The following LRP1B variants were observed in gnomAD, a reference collection of about 807,000 sequenced individuals.
LRP1B encodes the protein LDL receptor related protein 1B.
A neutral mutation model predicts 556.6 loss-of-function variants in LRP1B; 217 were observed. The ratio of observed to expected loss-of-function variants is 0.39; its 90% CI spans 0.35 to 0.44. The LOEUF is 0.44. LRP1B is among the 20% of genes least tolerant of loss of function. LRP1B has a pLI of 1.00. For synonymous variants in LRP1B, 2,047 were observed against 1,865.8 expected, an observed-to-expected ratio of 1.10 and a Z score of -2.50; for missense variants, 5,053 against 5,620.8, an observed-to-expected ratio of 0.90 and a Z score of 3.23.
At chr2:141,632,765 CAA>C (rs998933619) in intron 2 of LRP1B, among the ~76,000 whole-genome samples, 2 of 150,066 alleles carry the variant, frequency 1.3e-5, no homozygotes, top group African/African-American at 4.9e-5. Context: ...AAAAATTGAT[CAA>C]AGTCATTCAA....
intron 2 of LRP1B, among the ~76,000 whole-genome samples, chr2:141,545,340 T>A (rs1685512955): frequency 6.6e-6 from 1 of 152,204 alleles, no homozygotes; most frequent in Non-Finnish European, 1.5e-5. Context: ...TTATTAGGCT[T>A]GTCTACTTCC....
At chr2:142,016,918 GTATATGTA>G (rs1703162413) in intron 1 of LRP1B, among the ~76,000 whole-genome samples, 18 of 144,058 alleles carry the variant, frequency 1.2e-4, no homozygotes, top group African/African-American at 2.3e-4. Context: ...ATGTATATAT[GTATATGTA>G]TGTATATATG....
At chr2:140,444,249 T>C in intron 65 of LRP1B, 81 bp downstream of exon 65, 1 of 1,416,768 alleles carries the variant, frequency 7.1e-7, no homozygotes, top group Non-Finnish European at 9.7e-7. Flanking sequence ...ATCATATGAA[T>C]TTATGAAGTA....
chr2:141,295,791 A>ACACACACG (rs70991154), intron 3 of LRP1B, among the ~76,000 whole-genome samples: 1 of 142,352 alleles, frequency 7.0e-6, no homozygotes, highest in Non-Finnish European at 1.6e-5. Context: ...ACACACACAC[A>ACACACACG]TAACAGTGGG....
chr2:141,027,679 A>G (rs1345091390), intron 11 of LRP1B, among the ~76,000 whole-genome samples: 2 of 152,184 alleles, frequency 1.3e-5, no homozygotes, highest in Non-Finnish European at 1.5e-5. Flanking sequence ...GATGTTAGAA[A>G]AAGCTGTGTG....
chr2:141,327,580 C>T (rs1232660086), intron 3 of LRP1B, among the ~76,000 whole-genome samples: 1 of 152,016 alleles, frequency 6.6e-6, no homozygotes, highest in African/African-American at 2.4e-5. Flanking sequence ...ATGCCTATTC[C>T]ACCAAGTTAT....
intron 20 of LRP1B, among the ~76,000 whole-genome samples, chr2:140,943,560 C>G (rs6723412): frequency 0.12 from 17,661 of 152,008 alleles, 1,632 homozygotes; most frequent in African/African-American, 0.24. Flanking sequence ...CAAAATCATA[C>G]CAAGCATCTT....
At chr2:141,093,487 T>G (rs936861608) in intron 7 of LRP1B, among the ~76,000 whole-genome samples, 3 of 152,162 alleles carry the variant, frequency 2.0e-5, no homozygotes, top group Non-Finnish European at 2.9e-5. Flanking sequence ...ACTTGGAGAA[T>G]AAAGTTTAGC....
At chr2:140,522,685 A>C (rs1690235249) in intron 49 of LRP1B, among the ~76,000 whole-genome samples, 1 of 151,868 alleles carries the variant, frequency 6.6e-6, no homozygotes, top group Non-Finnish European at 1.5e-5. Flanking sequence ...TAACAAAAAA[A>C]AAAGAGATAA....
intron 51 of LRP1B, among the ~76,000 whole-genome samples, chr2:140,512,468 A>T (rs1320981897): frequency 6.6e-6 from 1 of 152,178 alleles, no homozygotes; most frequent in East Asian, 1.9e-4. Context: ...ATTCCACTAG[A>T]TCCATCTTGC....
intron 57 of LRP1B, 45 bp downstream of exon 57, chr2:140,492,563 A>G: frequency 8.4e-7 from 1 of 1,194,910 alleles, no homozygotes; most frequent in Non-Finnish European, 1.2e-6. Context: ...ACACATACCT[A>G]GTGCACATGT....
At position 140,887,666 on chromosome 2, in the gene LRP1B, C is replaced by T. The variant is rs1375731128; in HGVS notation, c.3767-1331G>A. 3.3e-5 allele frequency among the ~76,000 whole-genome samples: 5 copies of T among 152,138 alleles called. No individual in the cohort carries two copies. In the East Asian group the frequency reaches 9.7e-4, roughly 29 times the overall value. On this transcript the variant is annotated intron_variant, in intron 23 of 90. Coordinates refer to ENST00000389484, the MANE Select transcript of LRP1B (RefSeq NM_018557.3). ...CAAAAATGGATATAATTCATATGCT[C>T]ATCAACTGATGAATAAAAAAATGCT... is the stretch of plus-strand genomic sequence containing the variant.
At chr2:140,326,025 A>AAATT in intron 79 of LRP1B, 147 bp from the exon 80 acceptor site, 2 of 598,316 alleles carry the variant, frequency 3.3e-6, no homozygotes, top group Non-Finnish European at 6.0e-6. Flanking sequence ...GAAACTGTAG[A>AAATT]AATTAGAAAA....
At chr2:141,990,653 G>T (rs1446396943) in intron 1 of LRP1B, among the ~76,000 whole-genome samples, 2 of 152,014 alleles carry the variant, frequency 1.3e-5, no homozygotes, top group East Asian at 1.9e-4. Flanking sequence ...CATGTTTATG[G>T]TTAAGACAAC....
intron 2 of LRP1B, among the ~76,000 whole-genome samples, chr2:141,560,163 C>G (rs1393474479): frequency 2.6e-5 from 4 of 151,592 alleles, no homozygotes; most frequent in African/African-American, 9.7e-5. Flanking sequence ...AAACCATTCA[C>G]GATATACTAA....
rs756198446 is a variant in LRP1B at position 141,968,551 on chromosome 2, A to G, written c.83-158150T>C. On this transcript the variant is annotated intron_variant, in intron 1 of 90. Transcript: ENST00000389484. ...AGACATGATTTTATGACTGCTGTAC[A>G]TGACTCATTTATCCTGACGTGTATT... is the stretch of plus-strand genomic sequence containing the variant. Among the ~76,000 whole-genome samples the G allele has an allele frequency of 3.3e-5, 5 of 151,740 alleles. No homozygotes were observed. In the East Asian group the frequency reaches 9.7e-4, roughly 30 times the overall value.
At chr2:140,813,897 A>T (rs2105037629) in intron 31 of LRP1B, 91 bp from the exon 32 acceptor site, 1 of 884,530 alleles carries the variant, frequency 1.1e-6, no homozygotes, top group Non-Finnish European at 1.7e-6. Context: ...GAAAAAAATA[A>T]GTTGAAAGTT....
intron 74 of LRP1B, among the ~76,000 whole-genome samples, chr2:140,357,606 T>C (rs1477696453): frequency 1.3e-5 from 2 of 151,676 alleles, no homozygotes; most frequent in Non-Finnish European, 2.9e-5. Flanking sequence ...AAATTTTTTT[T>C]AACATTGAAA....
intron 87 of LRP1B, among the ~76,000 whole-genome samples, chr2:140,242,559 T>G (rs1186331695): frequency 6.6e-6 from 1 of 151,146 alleles, no homozygotes; most frequent in Admixed American, 6.6e-5. Flanking sequence ...GCTTGATGTA[T>G]AACAGAATAA....
Sources: gnomAD v4.1 joint callset for allele counts (sites outside exome capture counted in the v4.1 genomes callset) on GRCh38, gnomAD v4.1.1 for gene constraint, MANE v1.5 for transcripts, NCBI Gene and HGNC (gene_info 2026-07-23, HGNC 2026-07-21) for gene names.